UMAD1: variants seen among roughly 807,000 people sequenced by gnomAD.
UMAD1 encodes UBAP1-MVB12-associated (UMA)-domain containing protein 1.
UMAD1 carries 8 observed loss-of-function variants against 6.1 expected under a neutral mutation model. That is an observed-to-expected ratio of 1.30 (90% CI 0.76 to 2.35). The LOEUF is 2.35. Ranked by LOEUF, UMAD1 falls within the 30% of genes most tolerant of loss-of-function variation. The pLI, the probability that UMAD1 is intolerant of heterozygous loss-of-function variation, is 0.00. For missense variants in UMAD1, 130 were observed against 78.4 expected, an observed-to-expected ratio of 1.66 and a Z score of -2.49; for synonymous variants, 56 against 31.4, an observed-to-expected ratio of 1.78 and a Z score of -2.61.
At chr7:7,748,216 T>C (rs977344671) in intron 2 of UMAD1, among the ~76,000 whole-genome samples, 1 of 152,006 alleles carries the variant, frequency 6.6e-6, no homozygotes, top group Admixed American at 6.6e-5. Flanking sequence ...AGTCCTGGGA[T>C]TACAGGCGTG....
At chr7:7,771,416 G>A (rs562083253) in intron 2 of UMAD1, among the ~76,000 whole-genome samples, 25 of 152,198 alleles carry the variant, frequency 1.6e-4, no homozygotes, top group African/African-American at 5.5e-4. Flanking sequence ...CCATCGCTGC[G>A]GCAGCCACAG....
At chr7:7,671,590 T>C (rs1172341731) in intron 1 of UMAD1, among the ~76,000 whole-genome samples, 1 of 152,222 alleles carries the variant, frequency 6.6e-6, no homozygotes, top group Non-Finnish European at 1.5e-5. Flanking sequence ...TAATTTGAAA[T>C]CTATTGTCTT....
At chr7:7,724,048 G>C (rs1451477163) in intron 2 of UMAD1, among the ~76,000 whole-genome samples, 2 of 152,126 alleles carry the variant, frequency 1.3e-5, no homozygotes, top group African/African-American at 4.8e-5. Context: ...TTGAATGAAG[G>C]GGAGGCCGGG....
chr7:7,783,797 C>T (rs1222012361), intron 2 of UMAD1, among the ~76,000 whole-genome samples: 4 of 152,144 alleles, frequency 2.6e-5, no homozygotes, highest in East Asian at 1.9e-4. Flanking sequence ...CCCTGTTATA[C>T]GCGGTAATGC....
chr7:7,673,356 AGC>A lies in UMAD1; in HGVS notation c.-15_-14del, dbSNP rs1779657518. On this transcript the variant is annotated 5_prime_UTR_variant, in exon 2 of 4. Coordinates refer to ENST00000682710, the MANE Select transcript of UMAD1 (RefSeq NM_001302348.2). ...CAGCAGCAGCAGCAGCAGCAGCAGC[AGC>A]AGCAGCAGCAGCAATGTTTCACTTC... 7.8e-7 allele frequency: 1 copy of A among 1,287,796 alleles called. No homozygotes were observed. 79.8% of individuals were successfully genotyped at this position (1,287,796 alleles called of 1,614,324 possible).
chr7:7,672,164 T>C (rs1179004455), intron 1 of UMAD1, among the ~76,000 whole-genome samples: 2 of 152,230 alleles, frequency 1.3e-5, no homozygotes, highest in Non-Finnish European at 2.9e-5. Flanking sequence ...AAACTAAAAC[T>C]TGGAGCACTT....
intron 3 of UMAD1, among the ~76,000 whole-genome samples, chr7:7,822,387 A>AC (rs1420718511): frequency 2.0e-5 from 3 of 152,130 alleles, no homozygotes; most frequent in Non-Finnish European, 2.9e-5. Flanking sequence ...CCAAAAAAAA[A>AC]CAACCCGAGC....
chr7:7,817,715 G>C (rs992118500), intron 3 of UMAD1, among the ~76,000 whole-genome samples: 1 of 152,064 alleles, frequency 6.6e-6, no homozygotes, highest in African/African-American at 2.4e-5. Flanking sequence ...TTGTATTTTG[G>C]ATTTTCTTTT....
intron 1 of UMAD1, among the ~76,000 whole-genome samples, chr7:7,643,993 A>G (rs1309358480): frequency 6.6e-6 from 1 of 152,134 alleles, no homozygotes; most frequent in Non-Finnish European, 1.5e-5. Flanking sequence ...AACTTGGGGT[A>G]ACTTGGATCT....
At chr7:7,848,510 G>A (rs950807220) in intron 3 of UMAD1, among the ~76,000 whole-genome samples, 2 of 152,088 alleles carry the variant, frequency 1.3e-5, no homozygotes, top group Non-Finnish European at 2.9e-5. Context: ...ACCAAGGAGG[G>A]TAGAGTCAAA....
In UMAD1 at chr7:7,833,370, A is replaced by C. The variant is rs150236646; in HGVS notation, c.156+31627A>C. Among the ~76,000 whole-genome samples the C allele has an allele frequency of 3.6e-4, 55 of 152,278 alleles. No individual in the cohort carries two copies. The East Asian group carries it at 0.01, about 29-fold the overall frequency. On this transcript the variant is annotated intron_variant, in intron 3 of 3. Transcript: ENST00000682710. ...ACATGAGGCATACTGTGGTGTTAGT[A>C]TTTCTTGATATCGGCAACTATCCTG...
intron 2 of UMAD1, among the ~76,000 whole-genome samples, chr7:7,723,647 C>T (rs1482863018): frequency 6.6e-6 from 1 of 152,186 alleles, no homozygotes; most frequent in Non-Finnish European, 1.5e-5. Context: ...CCGATAATTG[C>T]TCTTCTCTGT....
intron 3 of UMAD1, among the ~76,000 whole-genome samples, chr7:7,812,770 A>G (rs1004325079): frequency 3.3e-5 from 5 of 150,312 alleles, no homozygotes; most frequent in African/African-American, 1.2e-4. Context: ...CCATGTTGGG[A>G]GAACAACTGT....
intron 2 of UMAD1, among the ~76,000 whole-genome samples, chr7:7,706,286 A>T (rs1004020833): frequency 6.6e-6 from 1 of 152,146 alleles, no homozygotes; most frequent in African/African-American, 2.4e-5. Context: ...GTTGGTACAG[A>T]TTTTGGGAAA....
intron 3 of UMAD1, among the ~76,000 whole-genome samples, chr7:7,824,557 A>G (rs1783305137): frequency 6.6e-6 from 1 of 152,158 alleles, no homozygotes; most frequent in South Asian, 2.1e-4. Context: ...CTTAGAATGA[A>G]TTCTGCTATC....
rs140876270 is a variant in UMAD1, at chr7:7,806,073, CCTT to C, written c.156+4336_156+4338del. Reference sequence around the variant, plus strand: ...TAAAGGCCTAAATGTCATTTTGACTCCTTCTTCTCACTCCCTCATTAAATCTAT... The same window carrying C: ...TAAAGGCCTAAATGTCATTTTGACTCCTTCTCACTCCCTCATTAAATCTAT... On this transcript the variant is annotated intron_variant, in intron 3 of 3. Coordinates refer to ENST00000682710, the MANE Select transcript of UMAD1 (RefSeq NM_001302348.2). Among the ~76,000 whole-genome samples the C allele has an allele frequency of 2.1e-3, 313 of 152,188 alleles. 2 individuals are homozygous for C. Among genetic ancestry groups the C allele is most frequent in the African/African-American group, 7.2e-3 (297 of 41,516 alleles).
chr7:7,659,025 T>C (rs919310670), intron 1 of UMAD1, among the ~76,000 whole-genome samples: 1 of 152,218 alleles, frequency 6.6e-6, no homozygotes, highest in African/African-American at 2.4e-5. Flanking sequence ...CTTCCTGGTT[T>C]AGACTTGGGA....
intron 2 of UMAD1, among the ~76,000 whole-genome samples, chr7:7,792,061 C>T (rs1331101409): frequency 1.3e-5 from 2 of 152,226 alleles, no homozygotes; most frequent in Non-Finnish European, 2.9e-5. Context: ...CTCCCACCTA[C>T]AGTCAAATCA....
intron 1 of UMAD1, among the ~76,000 whole-genome samples, chr7:7,643,723 AAACAAACAAAC>A (rs1220653130): frequency 1.8e-4 from 1 of 5,480 alleles, no homozygotes; most frequent in East Asian, 0.01. Context: ...AAAAAAAAAA[AAACAAACAAAC>A]GAAAAAAAAA....
Sources: gnomAD v4.1 joint callset for allele counts (sites outside exome capture counted in the v4.1 genomes callset) on GRCh38, gnomAD v4.1.1 for gene constraint, MANE v1.5 for transcripts, NCBI Gene and HGNC (gene_info 2026-07-23, HGNC 2026-07-21) for gene names.